LRRC3C: variants seen among roughly 807,000 people sequenced by gnomAD.
The protein encoded by LRRC3C is leucine-rich repeat-containing protein 3C.
Under a neutral mutation model 14.8 loss-of-function variants are expected in LRRC3C, and 11 were observed. That is an observed-to-expected ratio of 0.74 (90% CI 0.47 to 1.23). LRRC3C has a LOEUF of 1.23. LRRC3C is among the 50% of genes most tolerant of loss of function. The pLI, the probability that LRRC3C is intolerant of heterozygous loss-of-function variation, is 0.00. For synonymous variants in LRRC3C, 149 were observed against 161.5 expected (o/e 0.92, Z 0.59); for missense variants, 354 against 361.8 (o/e 0.98, Z 0.18).
chr17:39,932,738 A>G (rs963294403), intron 1 of LRRC3C, among the ~76,000 whole-genome samples: 3 of 151,816 alleles, frequency 2.0e-5, no homozygotes, highest in African/African-American at 7.3e-5. Context: ...AGCCTGGGCA[A>G]TAAAGCAAGC....
At chr17:39,928,914 C>A (rs1304595618) in intron 1 of LRRC3C, among the ~76,000 whole-genome samples, 2 of 152,196 alleles carry the variant, frequency 1.3e-5, no homozygotes, top group African/African-American at 4.8e-5. Flanking sequence ...CCACCCAGAG[C>A]AGAACAGGCA....
At chr17:39,935,006 G>C (rs1414957375) in intron 1 of LRRC3C, among the ~76,000 whole-genome samples, 1 of 152,124 alleles carries the variant, frequency 6.6e-6, no homozygotes, top group Non-Finnish European at 1.5e-5. Flanking sequence ...TGGTTTTGAT[G>C]GGTTTTGGCC....
rs774488298 is a variant in LRRC3C at position 39,944,524 on chromosome 17, G to A, written c.618G>A (p.Glu206=). ...AGGAGTTCCTGCTGCTGGCAGGGGA[G>A]GAAGAGCTGTGTGGGTCGGGGTGGG... ...VGQEFLLLAG[E]EELCGSGWGG... is the part of the protein sequence containing the mutation. Residue 206 remains glutamate (E), a synonymous_variant, in exon 4 of 4, where the codon GAG becomes GAA. Coordinates refer to ENST00000377924, the MANE Select transcript of LRRC3C (RefSeq NM_001195545.2). 3.3e-6 allele frequency: 5 copies of A among 1,500,694 alleles called. No individual in the cohort carries two copies. In the South Asian group the frequency reaches 5.1e-5, roughly 15 times the overall value. The allele number at this position is 1,500,694 out of a possible 1,614,324, so 93.0% of individuals were successfully genotyped here. A position where few individuals can be genotyped will look rare whatever the true frequency, so the allele number is the denominator to read the frequency against.
chr17:39,932,334 C>T (rs568724102), intron 1 of LRRC3C, among the ~76,000 whole-genome samples: 1 of 152,192 alleles, frequency 6.6e-6, no homozygotes, highest in Non-Finnish European at 1.5e-5. Flanking sequence ...TATGTGTTGC[C>T]TTTTATTAAT....
intron 3 of LRRC3C, among the ~76,000 whole-genome samples, chr17:39,942,556 C>T (rs1978967438): frequency 6.6e-6 from 1 of 152,154 alleles, no homozygotes; most frequent in Admixed American, 6.5e-5. Flanking sequence ...CCACATCAGG[C>T]TTCAGGTGCC....
rs757225236 is a variant in LRRC3C, at chr17:39,941,405, A to AC, written c.-81-31dup. On this transcript the variant is annotated intron_variant, in intron 2 of 3. Transcript: ENST00000377924. Reference sequence around the variant, plus strand: ...TCTTAACAGGTTTTTGAAACAAGGGACCCCCCCACACACACCCCATTTTTA... The same window carrying AC: ...TCTTAACAGGTTTTTGAAACAAGGGACCCCCCCCACACACACCCCATTTTTA... The AC allele has an allele frequency of 1.7e-4, 85 of 504,436 alleles. 1 individual carries two copies. The highest frequency in any genetic ancestry group is 3.9e-4 in the South Asian group (16 of 40,996). The allele number at this position is 504,436 out of a possible 1,614,324, so 31.2% of individuals were successfully genotyped here.
At chr17:39,941,387 A>T in intron 2 of LRRC3C, 56 bp from the exon 3 acceptor site, 3 of 515,574 alleles carry the variant, frequency 5.8e-6, no homozygotes, top group Admixed American at 3.7e-5. Context: ...AATTCTTAAC[A>T]GGTTTTTGAA....
chr17:39,936,242 A>G (rs1159585908), intron 2 of LRRC3C, among the ~76,000 whole-genome samples: 1 of 152,168 alleles, frequency 6.6e-6, no homozygotes, highest in Non-Finnish European at 1.5e-5. Flanking sequence ...GATCTCAGAG[A>G]CTGTGAGGGT....
Position 39,943,917 on chromosome 17 carries a change from G to A in LRRC3C, c.27-16G>A, listed in dbSNP as rs1205948239. 3.9e-6 allele frequency: 6 copies of A among 1,535,532 alleles called. No homozygotes were observed. Among genetic ancestry groups the A allele is most frequent in the East Asian group, 2.4e-5 (1 of 40,916 alleles). Reference sequence around the variant, plus strand: ...TCTTGACTCACTCCTCCTTTATGTGGCCTTTCCTTCCCCAGATCCTACTGC... The same window carrying A: ...TCTTGACTCACTCCTCCTTTATGTGACCTTTCCTTCCCCAGATCCTACTGC... On this transcript the variant is annotated splice_polypyrimidine_tract_variant and intron_variant, in intron 3 of 3. Transcript: ENST00000377924.
chr17:39,939,477 C>A, intron 2 of LRRC3C: 2 of 848,908 alleles, frequency 2.4e-6, no homozygotes, highest in Non-Finnish European at 2.8e-6. Flanking sequence ...GAAACCAGTG[C>A]CTAGACCCCA....
intron 2 of LRRC3C, among the ~76,000 whole-genome samples, chr17:39,941,013 G>A (rs1178043346): frequency 6.6e-6 from 1 of 151,796 alleles, no homozygotes; most frequent in Non-Finnish European, 1.5e-5. Flanking sequence ...CGAAGAGCTA[G>A]GATTACAGGC....
At position 39,941,424 on chromosome 17, in the gene LRRC3C, A is replaced by C; in HGVS notation, c.-81-19A>C. The C allele has an allele frequency of 2.3e-6, 2 of 887,156 alleles. No homozygotes were observed. Among genetic ancestry groups the C allele is most frequent in the South Asian group, 1.5e-5 (1 of 65,816 alleles). 55.0% of individuals were successfully genotyped at this position (887,156 alleles called of 1,614,324 possible). A position where few individuals can be genotyped will look rare whatever the true frequency, so the allele number is the denominator to read the frequency against. ...CAAGGGACCCCCCCACACACACCCC[A>C]TTTTTATTTTGCACTCAGCTCTACA... is the stretch of plus-strand genomic sequence containing the variant. On this transcript the variant is annotated intron_variant, in intron 2 of 3. Transcript: ENST00000377924.
At chr17:39,932,599 G>A (rs1406217643) in intron 1 of LRRC3C, among the ~76,000 whole-genome samples, 2 of 144,216 alleles carry the variant, frequency 1.4e-5, no homozygotes, top group Non-Finnish European at 3.0e-5. Context: ...GCATGTTCCC[G>A]TAGTCCCAGC....
At chr17:39,937,183 C>G (rs1387716637) in intron 2 of LRRC3C, among the ~76,000 whole-genome samples, 1 of 151,836 alleles carries the variant, frequency 6.6e-6, no homozygotes, top group African/African-American at 2.4e-5. Context: ...CGCCTGTAAT[C>G]CCAGCACCTT....
Position 39,944,340 on chromosome 17 carries a change from T to G in LRRC3C, c.434T>G (p.Val145Gly), listed in dbSNP as rs1158510401. The G allele has an allele frequency of 6.5e-7, 1 of 1,535,336 alleles. No individual in the cohort carries two copies. The highest frequency in any genetic ancestry group is 8.7e-7 in the Non-Finnish European group (1 of 1,146,622). ...GCCAACCAGCTGGCCTCAGTGCCCGTGGAGGCCTTTGTGGGGCTACAGATC... is the reference window on the plus strand; with the variant it reads ...GCCAACCAGCTGGCCTCAGTGCCCGGGGAGGCCTTTGTGGGGCTACAGATC... The part of the protein sequence containing the change: ...LSANQLASVP[V>G]EAFVGLQIQV... Residue 145 changes from valine to glycine, a missense_variant, in exon 4 of 4, where the codon GTG becomes GGG. Transcript: ENST00000377924.
intron 2 of LRRC3C, among the ~76,000 whole-genome samples, chr17:39,940,460 T>G (rs1181499803): frequency 6.6e-6 from 1 of 152,158 alleles, no homozygotes; most frequent in Non-Finnish European, 1.5e-5. Context: ...TCACCCAGGC[T>G]AGAGTGCAGT....
In LRRC3C at chr17:39,933,626, A is replaced by G. The variant is rs369338149; in HGVS notation, c.-174-2176A>G. 4.4e-4 allele frequency among the ~76,000 whole-genome samples: 67 copies of G among 152,136 alleles called. 1 individual carries two copies. In the East Asian group the frequency reaches 4.5e-3, roughly 10 times the overall value. On this transcript the variant is annotated intron_variant, in intron 1 of 3. Transcript: ENST00000377924. ...CGGGCGCCTGTAATCCCAGCTACTC[A>G]GGAGGCTGAGGCAGGAGAATGGCGT... is the stretch of plus-strand genomic sequence containing the variant.
chr17:39,934,666 G>C (rs965238489), intron 1 of LRRC3C: 4 of 152,148 alleles, frequency 2.6e-5, no homozygotes, highest in Non-Finnish European at 5.9e-5. Context: ...TACCAGAAAG[G>C]GGTCCCGATC....
rs935990428 is a variant in LRRC3C, at chr17:39,943,901, A to T, written c.27-32A>T. 6.5e-6 allele frequency: 10 copies of T among 1,531,552 alleles called. No individual in the cohort carries two copies. The African/African-American group carries it at 1.1e-4, about 17-fold the overall frequency. The allele number at this position is 1,531,552 out of a possible 1,614,324, so 94.9% of individuals were successfully genotyped here. A position where few individuals can be genotyped will look rare whatever the true frequency, so the allele number is the denominator to read the frequency against. ...GTGGGGCATGCGATTCTCTTGACTC[A>T]CTCCTCCTTTATGTGGCCTTTCCTT... is the stretch of plus-strand genomic sequence containing the variant. On this transcript the variant is annotated intron_variant, in intron 3 of 3. Transcript: ENST00000377924.
Sources: allele counts gnomAD v4.1 joint callset (sites outside exome capture counted in the v4.1 genomes callset), GRCh38; gene constraint gnomAD v4.1.1; transcripts MANE v1.5; gene names NCBI Gene and HGNC (gene_info 2026-07-23, HGNC 2026-07-21).